MYO6: variants seen among roughly 807,000 people sequenced by gnomAD.
MYO6 encodes unconventional myosin-VI.
MYO6 carries 74 observed loss-of-function variants against 178.7 expected under a neutral mutation model. That is an observed-to-expected ratio of 0.41 (90% CI 0.34 to 0.50). The LOEUF is 0.50. Ranked by LOEUF, MYO6 falls within the 20% of genes least tolerant of loss-of-function variation. The pLI, the probability that MYO6 is intolerant of heterozygous loss-of-function variation, is 0.09. For synonymous variants in MYO6, 477 were observed against 504.6 expected (o/e 0.95, Z 0.73); for missense variants, 1,330 against 1,547.4 (o/e 0.86, Z 2.36).
chr6:75,756,800 A>G (rs1382757385), intron 1 of MYO6, among the ~76,000 whole-genome samples: 1 of 151,944 alleles, frequency 6.6e-6, no homozygotes, highest in East Asian at 1.9e-4. Flanking sequence ...AATTTGCTCA[A>G]GCTTATTTGG....
intron 7 of MYO6, among the ~76,000 whole-genome samples, chr6:75,840,096 G>A (rs1231139644): frequency 1.3e-5 from 2 of 151,348 alleles, no homozygotes; most frequent in African/African-American, 2.4e-5. Flanking sequence ...TAGTGCCTGA[G>A]CATAGTGGGT....
chr6:75,755,021 A>G (rs1009044126), intron 1 of MYO6, among the ~76,000 whole-genome samples: 5 of 152,274 alleles, frequency 3.3e-5, no homozygotes, highest in African/African-American at 1.2e-4. Flanking sequence ...ACTTTAGCCC[A>G]GGAGTTTGAG....
At chr6:75,867,171 A>AT in intron 18 of MYO6, 66 bp downstream of exon 18, 1 of 1,304,990 alleles carries the variant, frequency 7.7e-7, no homozygotes. Flanking sequence ...ATATTCTAAA[A>AT]TGGATAATGT....
chr6:75,855,272 A>C lies in MYO6; in HGVS notation c.1212A>C (p.Gly404=). The C allele has an allele frequency of 6.2e-7, 1 of 1,613,486 alleles. No homozygotes were observed. Among genetic ancestry groups the C allele is most frequent in the Non-Finnish European group, 8.5e-7 (1 of 1,179,578 alleles). The change falls in exon 12 of 35, where the codon GGA becomes GGC. Residue 404 remains glycine, a synonymous_variant. Transcript: ENST00000369977. The part of the protein sequence containing the change: ...VMLTTAGGTK[G]TVIKVPLKVE... ...TAACAACAGCAGGGGGCACCAAAGGAACAGTTATAAAGTAAGTTCCTTAAG... is the reference window on the plus strand; with the variant it reads ...TAACAACAGCAGGGGGCACCAAAGGCACAGTTATAAAGTAAGTTCCTTAAG...
intron 27 of MYO6, 98 bp downstream of exon 27, chr6:75,891,404 G>A (rs923241437): frequency 7.4e-6 from 6 of 813,732 alleles, no homozygotes; most frequent in East Asian, 6.8e-5. Flanking sequence ...AGGCCGAGGC[G>A]GGCGGATCAC....
intron 19 of MYO6, 133 bp downstream of exon 19, chr6:75,870,818 T>G (rs1458348145): frequency 4.4e-6 from 3 of 687,452 alleles, no homozygotes; most frequent in Non-Finnish European, 6.9e-6. Context: ...TTTTAAAAAA[T>G]TAGTTTTTTT....
At chr6:75,883,448 T>G (rs1488022268) in intron 23 of MYO6, among the ~76,000 whole-genome samples, 1 of 152,218 alleles carries the variant, frequency 6.6e-6, no homozygotes, top group East Asian at 1.9e-4. Context: ...ATATTCATTT[T>G]CTTCATGAGA....
intron 1 of MYO6, among the ~76,000 whole-genome samples, chr6:75,763,369 A>G (rs1049467130): frequency 6.6e-6 from 1 of 152,156 alleles, no homozygotes; most frequent in Non-Finnish European, 1.5e-5. Flanking sequence ...AAAGGGTCCC[A>G]GTGATAATTT....
intron 33 of MYO6, among the ~76,000 whole-genome samples, 166 bp from the exon 34 acceptor site, chr6:75,913,895 ACT>A (rs1204205964): frequency 2.0e-5 from 3 of 151,790 alleles, no homozygotes; most frequent in Non-Finnish European, 2.9e-5. Flanking sequence ...AAGAAGTAAC[ACT>A]CTGAATTTTA....
At chr6:75,809,947 T>C (rs1770524097) in intron 1 of MYO6, among the ~76,000 whole-genome samples, 1 of 150,648 alleles carries the variant, frequency 6.6e-6, no homozygotes, top group Admixed American at 6.6e-5. Flanking sequence ...AGCTGGGCGT[T>C]GTGGCAGGTG....
At chr6:75,806,045 G>A (rs951062596) in intron 1 of MYO6, among the ~76,000 whole-genome samples, 2 of 151,978 alleles carry the variant, frequency 1.3e-5, no homozygotes, top group Non-Finnish European at 2.9e-5. Flanking sequence ...CATCTTTGGT[G>A]GGGTGAATAA....
rs967676071 is a variant in MYO6, at chr6:75,887,475, C to G, written c.2658+481C>G. Among the ~76,000 whole-genome samples, 4 of 151,070 alleles carry G rather than the reference C, an allele frequency of 2.6e-5. No individual in the cohort carries two copies. The South Asian group carries it at 8.4e-4, about 32-fold the overall frequency. ...TGGCCAACATGGTGAAACCCTGTCTCTACTAAAAATACAAAACTAGCTGGG... is the reference window on the plus strand; with the variant it reads ...TGGCCAACATGGTGAAACCCTGTCTGTACTAAAAATACAAAACTAGCTGGG... On this transcript the variant is annotated intron_variant, in intron 25 of 34. Coordinates refer to ENST00000369977, the MANE Select transcript of MYO6 (RefSeq NM_004999.4).
At chr6:75,778,070 A>G (rs1333321377) in intron 1 of MYO6, among the ~76,000 whole-genome samples, 1 of 152,070 alleles carries the variant, frequency 6.6e-6, no homozygotes, top group East Asian at 1.9e-4. Flanking sequence ...GTATTGCCCA[A>G]GCTGATCTTA....
intron 1 of MYO6, among the ~76,000 whole-genome samples, chr6:75,791,337 G>A (rs1469632239): frequency 3.3e-5 from 5 of 152,088 alleles, no homozygotes; most frequent in Non-Finnish European, 7.4e-5. Context: ...TGATTTTTAA[G>A]GTGAGATTTA....
At chr6:75,903,297 C>T (rs1381176792) in intron 30 of MYO6, among the ~76,000 whole-genome samples, 2 of 152,000 alleles carry the variant, frequency 1.3e-5, no homozygotes, top group Non-Finnish European at 2.9e-5. Flanking sequence ...CTTTCCGTCT[C>T]GTTGATCTGT....
intron 1 of MYO6, among the ~76,000 whole-genome samples, chr6:75,788,516 T>C (rs776797323): frequency 6.6e-6 from 1 of 152,212 alleles, no homozygotes; most frequent in Non-Finnish European, 1.5e-5. Context: ...AAAAAAACGA[T>C]ATTGCTTGTA....
chr6:75,855,393 A>G (rs1293961062), intron 12 of MYO6, 110 bp downstream of exon 12: 2 of 1,050,240 alleles, frequency 1.9e-6, no homozygotes, highest in South Asian at 1.4e-5. Context: ...AAAATTCTCT[A>G]CATCTCAGTG....
intron 1 of MYO6, among the ~76,000 whole-genome samples, chr6:75,812,563 A>G (rs935151614): frequency 3.3e-5 from 5 of 151,984 alleles, no homozygotes; most frequent in African/African-American, 4.8e-5. Flanking sequence ...TTCTAACTAT[A>G]TTTTTGTACC....
In MYO6 at chr6:75,908,493, T is replaced by C. The variant is rs1262848911; in HGVS notation, c.3281-3T>C. On this transcript the variant is annotated splice_polypyrimidine_tract_variant and splice_region_variant and intron_variant, in intron 31 of 34. Transcript: ENST00000369977. ...TTTTTTTTTTGCTCAATGTAATCAA[T>C]AGATATTGAGCTCCTGGCAGCTTGC... 1.2e-6 allele frequency: 2 copies of C among 1,612,374 alleles called. No individual in the cohort carries two copies. The highest frequency in any genetic ancestry group is 2.7e-5 in the African/African-American group (2 of 74,820).
Sources: gnomAD v4.1 joint callset for allele counts (sites outside exome capture counted in the v4.1 genomes callset) on GRCh38, gnomAD v4.1.1 for gene constraint, MANE v1.5 for transcripts, NCBI Gene and HGNC (gene_info 2026-07-23, HGNC 2026-07-21) for gene names.